The following DOK5 variants were observed in gnomAD, a reference collection of about 807,000 sequenced individuals.
DOK5 encodes the protein downstream of tyrosine kinase 5.
A neutral mutation model predicts 43.3 loss-of-function variants in DOK5; 27 were observed. That is an observed-to-expected ratio of 0.62 (90% CI 0.46 to 0.86). The LOEUF is 0.86. Among genes scored for constraint, DOK5 ranks in the 40% least tolerant of loss-of-function variants. The pLI is 0.00. For missense variants in DOK5, 373 were observed against 392.9 expected (o/e 0.95, Z 0.43); for synonymous variants, 146 against 140.1 (o/e 1.04, Z -0.30).
chr20:54,508,286 A>G (rs1390184812), intron 1 of DOK5, among the ~76,000 whole-genome samples: 1 of 151,550 alleles, frequency 6.6e-6, no homozygotes, highest in African/African-American at 2.4e-5. Flanking sequence ...TTTTACTACA[A>G]TTTTTCTTAT....
At chr20:54,537,393 A>G (rs1290912526) in intron 1 of DOK5, among the ~76,000 whole-genome samples, 1 of 152,252 alleles carries the variant, frequency 6.6e-6, no homozygotes, top group Non-Finnish European at 1.5e-5. Flanking sequence ...GAGGTGATAG[A>G]ATTATCTGAC....
chr20:54,613,015 A>T (rs1986698947), intron 6 of DOK5, among the ~76,000 whole-genome samples: 1 of 152,228 alleles, frequency 6.6e-6, no homozygotes, highest in African/African-American at 2.4e-5. Flanking sequence ...AGAGCTCATT[A>T]TATAGCTTTC....
intron 2 of DOK5, among the ~76,000 whole-genome samples, chr20:54,563,664 G>GTTTTTTTTTTT (rs76886127): frequency 2.6e-5 from 3 of 114,348 alleles, no homozygotes; most frequent in Non-Finnish European, 5.4e-5. Context: ...TATTTGTCAG[G>GTTTTTTTTTTT]TTTTTTTTTT....
intron 6 of DOK5, among the ~76,000 whole-genome samples, chr20:54,637,116 G>T (rs1424650161): frequency 6.6e-6 from 1 of 152,176 alleles, no homozygotes; most frequent in East Asian, 1.9e-4. Flanking sequence ...GTAAGCCCAA[G>T]CAACTCCCAT....
intron 1 of DOK5, among the ~76,000 whole-genome samples, chr20:54,539,279 CAAAAAAAAAAAAAA>C (rs57981823): frequency 4.5e-5 from 2 of 44,730 alleles, no homozygotes; most frequent in East Asian, 1.0e-3. Context: ...GCTCCATCTC[CAAAAAAAAAAAAAA>C]AAAAAAAAAA....
At chr20:54,531,410 C>A (rs1450743434) in intron 1 of DOK5, among the ~76,000 whole-genome samples, 1 of 152,104 alleles carries the variant, frequency 6.6e-6, no homozygotes, top group African/African-American at 2.4e-5. Context: ...AGATAGAACA[C>A]CTAAGGATAA....
intron 1 of DOK5, among the ~76,000 whole-genome samples, chr20:54,536,242 C>T (rs1162150428): frequency 6.6e-6 from 1 of 152,160 alleles, no homozygotes; most frequent in African/African-American, 2.4e-5. Flanking sequence ...GAATGTGTCT[C>T]TGAGATGGTG....
intron 1 of DOK5, among the ~76,000 whole-genome samples, chr20:54,542,226 T>A (rs1259728550): frequency 6.6e-6 from 1 of 152,172 alleles, no homozygotes; most frequent in East Asian, 1.9e-4. Flanking sequence ...CCATAGCCCC[T>A]GTACCTAAAT....
At chr20:54,602,323 C>T (rs190245172) in intron 5 of DOK5, among the ~76,000 whole-genome samples, 89 of 152,224 alleles carry the variant, frequency 5.8e-4, no homozygotes, top group African/African-American at 2.1e-3. Flanking sequence ...TGTCCAGGGT[C>T]GTGATTGCAT....
chr20:54,539,742 C>T (rs1425895516), intron 1 of DOK5, among the ~76,000 whole-genome samples: 2 of 152,120 alleles, frequency 1.3e-5, no homozygotes, highest in South Asian at 2.1e-4. Flanking sequence ...TGTGAATGAA[C>T]CCAGCCATGA....
rs1389749424 is a variant in DOK5 at position 54,544,466 on chromosome 20, T to C, written c.67-10467T>C. ...CATTCATAGGATGGAAAATTCTGAC[T>C]TTCTTGGCCTCAGAGATCATCCAGG... On this transcript the variant is annotated intron_variant, in intron 1 of 7. Transcript: ENST00000262593. Among the ~76,000 whole-genome samples the C allele has an allele frequency of 6.6e-5, 10 of 152,182 alleles. 1 individual carries two copies. The highest frequency in any genetic ancestry group is 6.5e-4 in the Admixed American group (10 of 15,276).
At chr20:54,494,043 C>T (rs1162996764) in intron 1 of DOK5, among the ~76,000 whole-genome samples, 2 of 152,166 alleles carry the variant, frequency 1.3e-5, no homozygotes, top group African/African-American at 4.8e-5. Context: ...TTTAAAAATA[C>T]TTGTTTTGAG....
At chr20:54,607,767 C>T (rs550286831) in intron 5 of DOK5, among the ~76,000 whole-genome samples, 169 of 152,170 alleles carry the variant, frequency 1.1e-3, no homozygotes, top group African/African-American at 4.0e-3. Context: ...CCTGTAGTCC[C>T]AGCTACTCAT....
chr20:54,492,386 A>C (rs1039987932), intron 1 of DOK5, among the ~76,000 whole-genome samples: 25 of 149,728 alleles, frequency 1.7e-4, no homozygotes, highest in African/African-American at 6.4e-4. Flanking sequence ...AACACTTTTC[A>C]AAAATTTTTA....
chr20:54,504,626 G>A (rs1982737555), intron 1 of DOK5, among the ~76,000 whole-genome samples: 1 of 152,218 alleles, frequency 6.6e-6, no homozygotes, highest in Admixed American at 6.5e-5. Flanking sequence ...GGTGATTGGA[G>A]ATGGTGTCAT....
At chr20:54,567,456 T>C (rs890472721) in intron 2 of DOK5, among the ~76,000 whole-genome samples, 1 of 152,204 alleles carries the variant, frequency 6.6e-6, no homozygotes. Context: ...CCTTATTGAA[T>C]TGATTTTTTT....
chr20:54,536,695 T>G (rs1239154278), intron 1 of DOK5, among the ~76,000 whole-genome samples: 3 of 152,066 alleles, frequency 2.0e-5, no homozygotes, highest in Non-Finnish European at 4.4e-5. Context: ...GCAAGAAACT[T>G]TTAGATAAGA....
At chr20:54,543,541 CTG>C (rs74179284) in intron 1 of DOK5, among the ~76,000 whole-genome samples, 9,800 of 142,938 alleles carry the variant, frequency 0.069, 326 homozygotes, top group Non-Finnish European at 0.075. Context: ...CCTAGAATTG[CTG>C]TGTGTGTGTG....
intron 2 of DOK5, among the ~76,000 whole-genome samples, chr20:54,573,686 C>CA (rs1321685949): frequency 0.054 from 2,582 of 48,198 alleles, 45 homozygotes; most frequent in East Asian, 0.082. Flanking sequence ...GACTCCATCT[C>CA]AAAAAAAAAA....
Sources: gnomAD v4.1 joint callset for allele counts (sites outside exome capture counted in the v4.1 genomes callset) on GRCh38, gnomAD v4.1.1 for gene constraint, MANE v1.5 for transcripts, NCBI Gene and HGNC (gene_info 2026-07-23, HGNC 2026-07-21) for gene names.